Variants in BCAS3 observed in about 807,000 individuals in gnomAD.
The protein encoded by BCAS3 is BCAS4/BCAS3 fusion.
In BCAS3, 53 loss-of-function variants were observed where a neutral mutation model predicts 116.1. The ratio of observed to expected loss-of-function variants is 0.46; its 90% confidence interval spans 0.37 to 0.57. The LOEUF is 0.57. Ranked by LOEUF, BCAS3 falls within the 20% of genes least tolerant of loss-of-function variation. BCAS3 has a pLI of 0.00. For missense variants in BCAS3, 917 were observed against 1,165.4 expected, an observed-to-expected ratio of 0.79 and a Z score of 3.10; for synonymous variants, 391 against 408.2, an observed-to-expected ratio of 0.96 and a Z score of 0.51.
intron 11 of BCAS3, among the ~76,000 whole-genome samples, chr17:60,910,165 ACTT>A (rs1301083940): frequency 1.1e-4 from 17 of 152,314 alleles, no homozygotes; most frequent in Admixed American, 7.2e-4. Context: ...CATAGTTTCT[ACTT>A]CTTCCTATGT....
At chr17:61,125,833 A>G (rs1203357898) in intron 22 of BCAS3, among the ~76,000 whole-genome samples, 1 of 152,190 alleles carries the variant, frequency 6.6e-6, no homozygotes. Context: ...TTTATCCATT[A>G]GAGGAAAAGT....
chr17:60,791,397 G>A (rs1429715854), intron 6 of BCAS3, among the ~76,000 whole-genome samples: 1 of 152,182 alleles, frequency 6.6e-6, no homozygotes, highest in Admixed American at 6.5e-5. Flanking sequence ...ACTCACGTCT[G>A]TATCCCAGCT....
At chr17:60,891,720 G>A (rs1399276204) in intron 10 of BCAS3, 8 of 455,892 alleles carry the variant, frequency 1.8e-5, no homozygotes, top group Middle Eastern at 3.2e-4. Context: ...TTGTGTAAGG[G>A]TGGGGATTCA....
Position 60,708,361 on chromosome 17 carries a change from G to A in BCAS3, c.215-858G>A, listed in dbSNP as rs924317388. ...AAAAAAAAGTTTGTGGAGAATTGAT[G>A]TTATTATTATTTTTAGAGCCAGGGC... is the stretch of plus-strand genomic sequence containing the variant. On this transcript the variant is annotated intron_variant, in intron 4 of 23. Transcript: ENST00000407086. 4.2e-5 allele frequency among the ~76,000 whole-genome samples: 6 copies of A among 143,556 alleles called. No homozygotes were observed. In the Middle Eastern group the frequency reaches 0.011, roughly 255 times the overall value. 94.2% of individuals were successfully genotyped at this position (143,556 alleles called of 152,430 possible). A position where few individuals can be genotyped will look rare whatever the true frequency, so the allele number is the denominator to read the frequency against.
At chr17:61,121,824 G>A (rs1193609453) in intron 22 of BCAS3, among the ~76,000 whole-genome samples, 7 of 152,134 alleles carry the variant, frequency 4.6e-5, no homozygotes, top group South Asian at 2.1e-4. Flanking sequence ...TCCGCCTCCC[G>A]GGTTCAAGCA....
At chr17:61,064,552 A>G (rs1392952985) in intron 19 of BCAS3, among the ~76,000 whole-genome samples, 1 of 152,198 alleles carries the variant, frequency 6.6e-6, no homozygotes, top group African/African-American at 2.4e-5. Context: ...TCCTTAGTTT[A>G]TGTCTTCTGT....
rs1009727248 is a variant in BCAS3, at chr17:61,348,740, C to G, written c.2426-19587C>G. Among the ~76,000 whole-genome samples, 12 of 146,046 alleles carry G rather than the reference C, an allele frequency of 8.2e-5. No individual in the cohort carries two copies. The highest frequency in any genetic ancestry group is 3.5e-3 in the Middle Eastern group (1 of 282). On this transcript the variant is annotated intron_variant, in intron 22 of 23. Transcript: ENST00000407086. The surrounding 1 kb of genome is among the most constrained non-coding windows in gnomAD (Gnocchi z 4.5). ...GACAGTCACGTGCTTCTTGCAACCT[C>G]TTGGGCAGAGATTCTTTTTTTTTTT...
chr17:60,690,844 C>T lies in BCAS3; in HGVS notation c.214+1083C>T, dbSNP rs75932740. Among the ~76,000 whole-genome samples, 58 of 147,376 alleles carry T rather than the reference C, an allele frequency of 3.9e-4. No individual in the cohort carries two copies. The East Asian group carries it at 8.8e-3, about 22-fold the overall frequency. ...CTGAGGCAGGAGAATCGCTTGAACC[C>T]AGGAGGTGGAGGCTGCAGTGAGCCG... On this transcript the variant is annotated intron_variant, in intron 4 of 23. Coordinates refer to ENST00000407086, the MANE Select transcript of BCAS3 (RefSeq NM_017679.5).
Position 61,392,779 on chromosome 17 carries a change from CCT to C in BCAS3, c.*655_*656del, listed in dbSNP as rs2060191077. 1 of 152,316 alleles carries C rather than the reference CCT, an allele frequency of 6.6e-6. No individual in the cohort carries two copies. Among genetic ancestry groups the C allele is most frequent in the Admixed American group, 6.5e-5 (1 of 15,272 alleles). 9.4% of individuals were successfully genotyped at this position (152,316 alleles called of 1,614,324 possible). A position where few individuals can be genotyped will look rare whatever the true frequency, so the allele number is the denominator to read the frequency against. ...TGAAGGAAACCGTGGTTACTGAGGC[CCT>C]GTTGAAAAGTGCACGTCTTGTCCAA... On this transcript the variant is annotated 3_prime_UTR_variant, in exon 24 of 24. Coordinates refer to ENST00000407086, the MANE Select transcript of BCAS3 (RefSeq NM_017679.5). This position sits in a 1 kb window ranked among gnomAD's most constrained non-coding sequence, Gnocchi z 6.4.
chr17:60,810,731 C>G (rs2048731321), intron 7 of BCAS3: 1 of 663,722 alleles, frequency 1.5e-6, no homozygotes, highest in South Asian at 1.4e-5. Context: ...TGCAAGGTCA[C>G]TGATGACACC....
chr17:61,322,842 GAGAGAGAGAGAGAC>G (rs2055395868), intron 22 of BCAS3, among the ~76,000 whole-genome samples: 11 of 146,876 alleles, frequency 7.5e-5, no homozygotes, highest in South Asian at 4.3e-4. Flanking sequence ...GAGAGAGAGA[GAGAGAGAGAGAGAC>G]AGAGAGAGAG....
chr17:61,206,694 G>A (rs1428749475), intron 22 of BCAS3, among the ~76,000 whole-genome samples: 2 of 151,068 alleles, frequency 1.3e-5, no homozygotes, highest in African/African-American at 2.4e-5. Context: ...TCAGCTACTC[G>A]GGAGGCTGAA....
At chr17:60,899,592 G>A (rs1255822763) in intron 10 of BCAS3, among the ~76,000 whole-genome samples, 2 of 152,028 alleles carry the variant, frequency 1.3e-5, no homozygotes, top group East Asian at 3.9e-4. Flanking sequence ...CCACTTCCTG[G>A]GTTCAAGCAG....
intron 6 of BCAS3, among the ~76,000 whole-genome samples, chr17:60,773,961 G>A (rs1408240606): frequency 5.3e-5 from 8 of 152,218 alleles, no homozygotes; most frequent in East Asian, 1.9e-4. Context: ...TGTTATGTTC[G>A]TTGTGTGTTT....
rs549415347 is a variant in BCAS3 at position 61,087,208 on chromosome 17, G to A, written c.2425+2644G>A. 1 of 985,524 alleles carries A rather than the reference G, an allele frequency of 1.0e-6. No individual in the cohort carries two copies. Among genetic ancestry groups the A allele is most frequent in the South Asian group, 4.7e-5 (1 of 21,282 alleles). 61.0% of individuals were successfully genotyped at this position (985,524 alleles called of 1,614,324 possible). A position where few individuals can be genotyped will look rare whatever the true frequency, so the allele number is the denominator to read the frequency against. On this transcript the variant is annotated intron_variant, in intron 22 of 23. Coordinates refer to ENST00000407086, the MANE Select transcript of BCAS3 (RefSeq NM_017679.5). The surrounding 1 kb of genome is among the most constrained non-coding windows in gnomAD (Gnocchi z 4.6). Reference sequence around the variant, plus strand: ...CTGCACATCAGGAAGTTGCTTATCTGGAGGTTTCATTGCCTGTTACTTGGA... The same window carrying A: ...CTGCACATCAGGAAGTTGCTTATCTAGAGGTTTCATTGCCTGTTACTTGGA...
intron 22 of BCAS3, among the ~76,000 whole-genome samples, chr17:61,260,360 A>G (rs932171187): frequency 1.3e-5 from 2 of 152,350 alleles, no homozygotes; most frequent in Middle Eastern, 3.4e-3. Flanking sequence ...CGCTTAAGTA[A>G]AAAAATATTC....
intron 22 of BCAS3, among the ~76,000 whole-genome samples, chr17:61,246,108 A>C (rs1366851771): frequency 1.3e-5 from 2 of 152,150 alleles, no homozygotes; most frequent in African/African-American, 4.8e-5. Flanking sequence ...CTATCCTGGG[A>C]GAGTCTTACA....
chr17:60,838,279 A>G (rs940652166), intron 7 of BCAS3, among the ~76,000 whole-genome samples: 10 of 152,228 alleles, frequency 6.6e-5, no homozygotes, highest in Admixed American at 3.3e-4. Context: ...TTATGGAAAT[A>G]AAATGACTTC....
intron 6 of BCAS3, among the ~76,000 whole-genome samples, chr17:60,756,162 A>G (rs2042967492): frequency 1.3e-5 from 2 of 152,182 alleles, no homozygotes; most frequent in African/African-American, 2.4e-5. Context: ...ACCTCAGATC[A>G]TCAGGCATTA....
Sources: gnomAD v4.1 joint callset for allele counts (sites outside exome capture counted in the v4.1 genomes callset) on GRCh38, gnomAD v4.1.1 for gene constraint, Gnocchi (gnomAD v3.1) non-coding constraint, MANE v1.5 for transcripts, NCBI Gene and HGNC (gene_info 2026-07-23, HGNC 2026-07-21) for gene names.